Variants in GRIA3 observed in about 807,000 individuals in gnomAD.
GRIA3 encodes the protein glutamate receptor 3.
Under a neutral mutation model 63.0 loss-of-function variants are expected in GRIA3, and 3 were observed. The observed-to-expected ratio is 0.05, with a 90% CI of 0.02 to 0.12. The LOEUF is 0.12. GRIA3 is among the 10% of genes least tolerant of loss of function. The pLI is 1.00. For missense variants in GRIA3, 347 were observed against 700.9 expected (o/e 0.50, Z 5.70); for synonymous variants, 274 against 257.9 (o/e 1.06, Z -0.60).
chrX:123,394,315 C>T (rs761068299), intron 5 of GRIA3, among the ~76,000 whole-genome samples: 3 of 109,565 alleles, frequency 2.7e-5, no homozygotes, highest in Admixed American at 9.7e-5. Flanking sequence ...TGCAGTGAGC[C>T]GAGATCACAC....
intron 12 of GRIA3, among the ~76,000 whole-genome samples, chrX:123,459,960 T>G (rs1192502458): frequency 8.9e-6 from 1 of 111,772 alleles, no homozygotes; most frequent in East Asian, 2.8e-4. Context: ...TCATTTCTTT[T>G]CCCCCTTCTA....
At chrX:123,300,196 T>C (rs1384297054) in intron 3 of GRIA3, among the ~76,000 whole-genome samples, 1 of 109,638 alleles carries the variant, frequency 9.1e-6, no homozygotes, top group Non-Finnish European at 1.9e-5. Flanking sequence ...TCTTTTATTG[T>C]TGTGTCGTTA....
At position 123,398,764 on chromosome X, in the gene GRIA3, C is replaced by G; in HGVS notation, c.1041C>G (p.Pro347=). The G allele has an allele frequency of 5.0e-6, 6 of 1,209,791 alleles. No individual in the cohort carries two copies. The highest frequency in any genetic ancestry group is 6.7e-6 in the Non-Finnish European group (6 of 894,337). ...ACTGCTTAGCAAATCCTGCTGTGCC[C>G]TGGAGTCAAGGAATTGATATTGAGA... The part of the protein sequence containing the change: ...AGDCLANPAV[P]WSQGIDIERA... The change falls in exon 7 of 16, where the codon CCC becomes CCG. Residue 347 remains proline, a synonymous_variant. Coordinates refer to ENST00000620443, the MANE Select transcript of GRIA3 (RefSeq NM_007325.5).
At chrX:123,311,931 T>C (rs2044795771) in intron 3 of GRIA3, among the ~76,000 whole-genome samples, 2 of 112,230 alleles carry the variant, frequency 1.8e-5, no homozygotes, top group Non-Finnish European at 3.8e-5. Context: ...AGTGCGAACT[T>C]AGAATCCAGA....
chrX:123,479,193 C>T (rs1424295364), intron 13 of GRIA3, among the ~76,000 whole-genome samples: 1 of 112,433 alleles, frequency 8.9e-6, no homozygotes, highest in African/African-American at 3.2e-5. Context: ...ACAGCGTTAC[C>T]CAACAGTGGC....
At chrX:123,326,789 C>A (rs2044908544) in intron 4 of GRIA3, among the ~76,000 whole-genome samples, 1 of 111,157 alleles carries the variant, frequency 9.0e-6, no homozygotes, top group Non-Finnish European at 1.9e-5. Flanking sequence ...AATTTAAGAC[C>A]ATTTTTTCCC....
chrX:123,247,363 G>A (rs762158485), intron 2 of GRIA3, among the ~76,000 whole-genome samples: 9 of 111,436 alleles, frequency 8.1e-5, no homozygotes, highest in South Asian at 3.8e-4. Context: ...AACAATACCC[G>A]TCTCGACCCT....
chrX:123,231,489 C>T (rs1456580817), intron 2 of GRIA3, among the ~76,000 whole-genome samples: 1 of 111,531 alleles, frequency 9.0e-6, no homozygotes. Flanking sequence ...TACGATTGGT[C>T]CCTATCCCTG....
intron 2 of GRIA3, among the ~76,000 whole-genome samples, chrX:123,237,666 C>T (rs762014896): frequency 1.8e-5 from 2 of 112,535 alleles, no homozygotes; most frequent in Admixed American, 1.9e-4. Context: ...AAATGGACCA[C>T]TCTGATGTGG....
intron 12 of GRIA3, among the ~76,000 whole-genome samples, chrX:123,451,654 A>G (rs2045733076): frequency 9.2e-6 from 1 of 108,998 alleles, no homozygotes; most frequent in South Asian, 4.1e-4. Context: ...TTGAGCTGAC[A>G]AGGTGTGGAA....
rs183219241 is a variant in GRIA3 at position 123,210,000 on chromosome X, T to G, written c.268+24010T>G. 5.5e-3 allele frequency among the ~76,000 whole-genome samples: 609 copies of G among 110,030 alleles called. 3 individuals carry two copies. Among genetic ancestry groups the G allele is most frequent in the African/African-American group, 6.6e-3 (201 of 30,264 alleles). On this transcript the variant is annotated intron_variant, in intron 2 of 15. Coordinates refer to ENST00000620443, the MANE Select transcript of GRIA3 (RefSeq NM_007325.5). Reference sequence around the variant, plus strand: ...CCGTGATTTTGTTTGTTTGTTTGTTTGTTGGTTGGTTTGTTTTTCTCTAGG... The same window carrying G: ...CCGTGATTTTGTTTGTTTGTTTGTTGGTTGGTTGGTTTGTTTTTCTCTAGG...
chrX:123,331,146 C>T (rs1005724058), intron 4 of GRIA3, among the ~76,000 whole-genome samples: 1 of 111,130 alleles, frequency 9.0e-6, no homozygotes, highest in Non-Finnish European at 1.9e-5. Context: ...TCTAGTGGGG[C>T]CCAAACCAAT....
rs144807672 is a variant in GRIA3, at chrX:123,395,114, G to A, written c.897G>A (p.Lys299=). Residue 299 remains lysine, a synonymous_variant, in exon 6 of 16, where the codon AAG becomes AAA. Coordinates refer to ENST00000620443, the MANE Select transcript of GRIA3 (RefSeq NM_007325.5). ...RLDEREFPEA[K]NAPLKYTSAL... is the part of the protein sequence containing the mutation. ...ATGAAAGGGAATTCCCTGAAGCCAA[G>A]AATGCACCACTAAAGGTAATGTTCC... The A allele has an allele frequency of 8.3e-7, 1 of 1,207,993 alleles. No individual in the cohort carries two copies. The highest frequency in any genetic ancestry group is 1.1e-6 in the Non-Finnish European group (1 of 892,135).
At chrX:123,470,254 T>A (rs2045854805) in intron 13 of GRIA3, among the ~76,000 whole-genome samples, 3 of 111,704 alleles carry the variant, frequency 2.7e-5, no homozygotes. Context: ...CTCCATTATT[T>A]AAATAAATGG....
At chrX:123,282,896 A>G (rs1023280688) in intron 3 of GRIA3, among the ~76,000 whole-genome samples, 1 of 112,389 alleles carries the variant, frequency 8.9e-6, no homozygotes, top group Non-Finnish European at 1.9e-5. Flanking sequence ...ACAGAGTGAG[A>G]CAATGTCTCA....
chrX:123,421,121 AGAG>A (rs2045562399), intron 11 of GRIA3, among the ~76,000 whole-genome samples: 2 of 111,725 alleles, frequency 1.8e-5, no homozygotes, highest in Non-Finnish European at 3.8e-5. Context: ...ACACTAGCCT[AGAG>A]TAACAAATAT....
At chrX:123,486,529 CA>C (rs1569443812) in intron 15 of GRIA3, among the ~76,000 whole-genome samples, 2 of 112,140 alleles carry the variant, frequency 1.8e-5, no homozygotes, top group Non-Finnish European at 3.8e-5. Flanking sequence ...AGTCTCCAGA[CA>C]AGAAGCAAAA....
intron 4 of GRIA3, among the ~76,000 whole-genome samples, chrX:123,337,585 C>G (rs1382234396): frequency 9.0e-6 from 1 of 111,632 alleles, no homozygotes; most frequent in Non-Finnish European, 1.9e-5. Context: ...AAGACATACA[C>G]ATTTGCGAGG....
intron 3 of GRIA3, among the ~76,000 whole-genome samples, chrX:123,259,440 G>A (rs988773526): frequency 9.5e-6 from 1 of 105,521 alleles, no homozygotes. Context: ...CTCTTTCTTC[G>A]CCTCCTTTCC....
Sources: gnomAD v4.1 joint callset for allele counts (sites outside exome capture counted in the v4.1 genomes callset) on GRCh38, gnomAD v4.1.1 for gene constraint, MANE v1.5 for transcripts, NCBI Gene and HGNC (gene_info 2026-07-23, HGNC 2026-07-21) for gene names.